SNX24: variants seen among roughly 807,000 people sequenced by gnomAD.
SNX24 encodes the protein sorting nexin 24, also known as sorting nexin-24.
In SNX24, 22 loss-of-function variants were observed where a neutral mutation model predicts 28.7. That is an observed-to-expected ratio of 0.77 (90% confidence interval 0.55 to 1.10). SNX24 has a LOEUF of 1.10. Ranked by LOEUF, SNX24 falls within the 50% of genes least tolerant of loss-of-function variation. The pLI, the probability that SNX24 is intolerant of heterozygous loss-of-function variation, is 0.00. For missense variants in SNX24, 221 were observed against 201.1 expected, an observed-to-expected ratio of 1.10 and a Z score of -0.60; for synonymous variants, 69 against 71.5, an observed-to-expected ratio of 0.96 and a Z score of 0.18.
At chr5:122,911,224 G>T (rs1434134440) in intron 1 of SNX24, among the ~76,000 whole-genome samples, 1 of 152,200 alleles carries the variant, frequency 6.6e-6, no homozygotes, top group Non-Finnish European at 1.5e-5. Context: ...GGCCAGTGAT[G>T]ATGAGCATTT....
At chr5:122,927,844 A>C (rs1758768928) in intron 1 of SNX24, among the ~76,000 whole-genome samples, 1 of 152,148 alleles carries the variant, frequency 6.6e-6, no homozygotes, top group South Asian at 2.1e-4. Context: ...TCTCCACGTC[A>C]TGTCTAATGT....
intron 3 of SNX24, among the ~76,000 whole-genome samples, chr5:122,977,106 G>T (rs952010696): frequency 1.3e-5 from 2 of 152,128 alleles, no homozygotes; most frequent in African/African-American, 4.8e-5. Flanking sequence ...GATTCTTGAA[G>T]GTGTGGGTTG....
At chr5:123,009,449 A>G (rs1292143296), downstream of SNX24, among the ~76,000 whole-genome samples, 1 of 152,260 alleles carries the variant, frequency 6.6e-6, no homozygotes, top group African/African-American at 2.4e-5. Flanking sequence ...AAGTATCTAT[A>G]GTGGTACACT....
At chr5:122,962,725 G>T (rs1760536181) in intron 3 of SNX24, among the ~76,000 whole-genome samples, 1 of 152,196 alleles carries the variant, frequency 6.6e-6, no homozygotes, top group Non-Finnish European at 1.5e-5. Context: ...TGAGAGAAGG[G>T]AATTGAATAA....
chr5:122,850,204 G>T (rs1029243907), intron 1 of SNX24, among the ~76,000 whole-genome samples: 2 of 152,174 alleles, frequency 1.3e-5, no homozygotes, highest in African/African-American at 4.8e-5. Flanking sequence ...AGTTCTGGAG[G>T]CTGGGAAGTC....
intron 3 of SNX24, among the ~76,000 whole-genome samples, chr5:122,988,238 G>T (rs145147937): frequency 2.6e-5 from 4 of 152,158 alleles, no homozygotes; most frequent in Admixed American, 6.5e-5. Context: ...CTTCTGCCCA[G>T]CCCCAGTGAT....
chr5:123,007,642 GTTTTTCTTTTT>G (rs768157332), intron 6 of SNX24, 29 bp from the exon 7 acceptor site: 47 of 1,514,650 alleles, frequency 3.1e-5, no homozygotes, highest in Middle Eastern at 3.5e-4. Context: ...AAGAAAAGCA[GTTTTTCTTTTT>G]TTTTTCTTTT....
At chr5:122,935,323 A>G (rs984402975) in intron 1 of SNX24, among the ~76,000 whole-genome samples, 3 of 151,976 alleles carry the variant, frequency 2.0e-5, no homozygotes, top group African/African-American at 7.2e-5. Context: ...TTCTGGCAAG[A>G]CCTTTGAAGA....
At chr5:122,964,005 G>A (rs1249201921) in intron 3 of SNX24, among the ~76,000 whole-genome samples, 1 of 152,030 alleles carries the variant, frequency 6.6e-6, no homozygotes, top group African/African-American at 2.4e-5. Context: ...GACTTCGGGA[G>A]GCTGAGGTGG....
At chr5:122,923,634 T>C (rs959154306) in intron 1 of SNX24, among the ~76,000 whole-genome samples, 2 of 152,164 alleles carry the variant, frequency 1.3e-5, no homozygotes, top group Admixed American at 6.5e-5. Context: ...TTCCCATCTT[T>C]CAGAGCCCAG....
chr5:122,890,528 G>C (rs1756925833), intron 1 of SNX24, among the ~76,000 whole-genome samples: 1 of 148,972 alleles, frequency 6.7e-6, no homozygotes, highest in African/African-American at 2.5e-5. Flanking sequence ...GGAATGCAGT[G>C]GTGCTATCTC....
chr5:122,852,101 C>G (rs949884548), intron 1 of SNX24, among the ~76,000 whole-genome samples: 1 of 149,430 alleles, frequency 6.7e-6, no homozygotes, highest in Admixed American at 6.6e-5. Flanking sequence ...TATATACACA[C>G]ACACATATCT....
chr5:122,930,024 A>G, intron 1 of SNX24, among the ~76,000 whole-genome samples: 1 of 152,208 alleles, frequency 6.6e-6, no homozygotes, highest in East Asian at 1.9e-4. Flanking sequence ...AAGCTCACAC[A>G]CTATCAAACT....
At chr5:122,866,519 T>C (rs558900874) in intron 1 of SNX24, among the ~76,000 whole-genome samples, 5 of 152,340 alleles carry the variant, frequency 3.3e-5, no homozygotes, top group Admixed American at 3.3e-4. Context: ...CTCCGCCGGT[T>C]GTGTTTCTTT....
intron 3 of SNX24, among the ~76,000 whole-genome samples, chr5:122,953,763 A>T (rs758302989): frequency 1.3e-5 from 2 of 152,226 alleles, no homozygotes; most frequent in Non-Finnish European, 2.9e-5. Context: ...TCACTTGAGA[A>T]TAATAGTTCT....
chr5:122,852,810 A>G (rs1040449785), intron 1 of SNX24, among the ~76,000 whole-genome samples: 6 of 152,126 alleles, frequency 3.9e-5, no homozygotes, highest in Non-Finnish European at 8.8e-5. Context: ...CATGGCAAGG[A>G]GGGTAGGTTA....
rs138231796 is a variant in SNX24 at position 122,856,129 on chromosome 5, C to T, written c.60+10436C>T. 3.0e-3 allele frequency among the ~76,000 whole-genome samples: 455 copies of T among 152,306 alleles called. 5 individuals are homozygous for T. The highest frequency in any genetic ancestry group is 0.023 in the Admixed American group (359 of 15,292). On this transcript the variant is annotated intron_variant, in intron 1 of 6. Transcript: ENST00000261369. ...CTTCTCCCTTCTGCCTCCCTCCACT[C>T]GCAAGTAATCCCTGGTGTCTGTTGT...
At chr5:122,914,629 G>C (rs1318753657) in intron 1 of SNX24, among the ~76,000 whole-genome samples, 1 of 150,766 alleles carries the variant, frequency 6.6e-6, no homozygotes, top group East Asian at 1.9e-4. Context: ...TCTTGGGAGA[G>C]TGTATGTGTC....
chr5:122,926,950 T>C lies in SNX24; in HGVS notation c.61-9784T>C, dbSNP rs183209521. 1.3e-3 allele frequency among the ~76,000 whole-genome samples: 203 copies of C among 152,324 alleles called. 1 individual carries two copies. Among genetic ancestry groups the C allele is most frequent in the African/African-American group, 4.5e-3 (188 of 41,580 alleles). ...CTGTAGAGATGTATGAATGTGGTCA[T>C]TGTTACTCTCGTGATCATTTTCCCT... On this transcript the variant is annotated intron_variant, in intron 1 of 6. Coordinates refer to ENST00000261369, the MANE Select transcript of SNX24 (RefSeq NM_014035.4).
Sources: allele counts gnomAD v4.1 joint callset (sites outside exome capture counted in the v4.1 genomes callset), GRCh38; gene constraint gnomAD v4.1.1; transcripts MANE v1.5; gene names NCBI Gene and HGNC (gene_info 2026-07-23, HGNC 2026-07-21).